Variants in GPR39 observed in about 807,000 individuals in gnomAD.
The protein encoded by GPR39 is G protein-coupled receptor 39, also known as zinc sensing receptor.
Under a neutral mutation model 18.4 loss-of-function variants are expected in GPR39, and 23 were observed. The ratio of observed to expected loss-of-function variants is 1.25; its 90% CI spans 0.90 to 1.77. GPR39 has a LOEUF of 1.77. Among genes scored for constraint, GPR39 ranks in the 40% most tolerant of loss-of-function variants. The pLI is 0.00. For missense variants in GPR39, 647 were observed against 602.4 expected, an observed-to-expected ratio of 1.07 and a Z score of -0.78; for synonymous variants, 280 against 257.9, an observed-to-expected ratio of 1.09 and a Z score of -0.82.
At chr2:132,571,832 A>G (rs1680444664) in intron 1 of GPR39, among the ~76,000 whole-genome samples, 1 of 152,192 alleles carries the variant, frequency 6.6e-6, no homozygotes, top group African/African-American at 2.4e-5. Flanking sequence ...ATTAAGTGCT[A>G]AATTGTGGCA....
At chr2:132,463,555 A>G (rs1397974006) in intron 1 of GPR39, among the ~76,000 whole-genome samples, 3 of 151,970 alleles carry the variant, frequency 2.0e-5, no homozygotes, top group African/African-American at 7.2e-5. Flanking sequence ...GAGTCAGGGA[A>G]ATTAATAGGG....
At chr2:132,585,198 G>A (rs1024896956) in intron 1 of GPR39, among the ~76,000 whole-genome samples, 9 of 152,002 alleles carry the variant, frequency 5.9e-5, no homozygotes, top group African/African-American at 2.2e-4. Flanking sequence ...CCCCTTTACC[G>A]TTCCACTGCT....
chr2:132,556,095 A>G (rs1264720660), intron 1 of GPR39, among the ~76,000 whole-genome samples: 2 of 152,206 alleles, frequency 1.3e-5, no homozygotes, highest in East Asian at 3.9e-4. Flanking sequence ...CCTAATTGAT[A>G]TAGAGACCTA....
chr2:132,444,581 C>A (rs557594674), intron 1 of GPR39, among the ~76,000 whole-genome samples: 85 of 152,318 alleles, frequency 5.6e-4, no homozygotes, highest in African/African-American at 1.9e-3. Context: ...AGCTACCACA[C>A]CGGCTATGAG....
intron 1 of GPR39, among the ~76,000 whole-genome samples, chr2:132,507,053 A>C (rs1457004208): frequency 2.6e-5 from 4 of 152,024 alleles, no homozygotes; most frequent in Admixed American, 6.5e-5. Context: ...TGAATCCACA[A>C]ATGGATTAAT....
intron 1 of GPR39, chr2:132,488,651 A>C (rs935972544): frequency 1.3e-5 from 2 of 152,422 alleles, no homozygotes; most frequent in Admixed American, 1.3e-4. Context: ...CAGGGCTGGT[A>C]CTTGAAGTTG....
At chr2:132,573,611 C>G (rs1680480533) in intron 1 of GPR39, among the ~76,000 whole-genome samples, 1 of 152,144 alleles carries the variant, frequency 6.6e-6, no homozygotes, top group Non-Finnish European at 1.5e-5. Context: ...TAAATTGTTT[C>G]TTGCTTTTCC....
chr2:132,520,760 G>A (rs1459130636), intron 1 of GPR39, among the ~76,000 whole-genome samples: 1 of 152,222 alleles, frequency 6.6e-6, no homozygotes, highest in African/African-American at 2.4e-5. Flanking sequence ...TCTTGATGGT[G>A]ATGAGAGTCA....
chr2:132,438,886 G>C (rs1012990392), intron 1 of GPR39, among the ~76,000 whole-genome samples: 1 of 152,168 alleles, frequency 6.6e-6, no homozygotes, highest in Non-Finnish European at 1.5e-5. Context: ...TTCCATGGCT[G>C]TCGGAATTCC....
intron 1 of GPR39, among the ~76,000 whole-genome samples, chr2:132,510,341 C>T (rs1377250865): frequency 6.6e-6 from 1 of 152,118 alleles, no homozygotes; most frequent in African/African-American, 2.4e-5. Context: ...GCCAGTCTCC[C>T]CAGGCTCGGG....
chr2:132,577,700 G>C (rs904707823), intron 1 of GPR39, among the ~76,000 whole-genome samples: 1 of 152,152 alleles, frequency 6.6e-6, no homozygotes, highest in African/African-American at 2.4e-5. Flanking sequence ...TGATCATGTA[G>C]AAATGCAGTA....
intron 1 of GPR39, among the ~76,000 whole-genome samples, chr2:132,453,322 G>T (rs755021544): frequency 6.6e-6 from 1 of 152,090 alleles, no homozygotes; most frequent in Non-Finnish European, 1.5e-5. Flanking sequence ...AATTTTGTTG[G>T]GGTTGTTTGT....
In GPR39 at chr2:132,492,642, C is replaced by CACACCA. The variant is rs1349902319; in HGVS notation, c.856+74744_856+74745insACACCA. The stretch of plus-strand genomic sequence containing the variant: ...TATATACAATATATATACACACCAT[C>CACACCA]TATATATAATATATATACACACCAT... On this transcript the variant is annotated intron_variant, in intron 1 of 1. Coordinates refer to ENST00000329321, the MANE Select transcript of GPR39 (RefSeq NM_001508.3). Among the ~76,000 whole-genome samples, 629 of 118,798 alleles carry CACACCA rather than the reference C, an allele frequency of 5.3e-3. 121 individuals are homozygous for CACACCA. The highest frequency in any genetic ancestry group is 8.0e-3 in the Non-Finnish European group (454 of 56,682). 77.9% of individuals were successfully genotyped at this position (118,798 alleles called of 152,430 possible). A position where few individuals can be genotyped will look rare whatever the true frequency, so the allele number is the denominator to read the frequency against.
intron 1 of GPR39, among the ~76,000 whole-genome samples, chr2:132,613,116 A>G (rs765123615): frequency 8.5e-5 from 13 of 152,218 alleles, no homozygotes; most frequent in Non-Finnish European, 1.5e-4. Flanking sequence ...CTAAATTCAC[A>G]TTAATTTCAA....
chr2:132,496,615 G>A (rs1173438438), intron 1 of GPR39, among the ~76,000 whole-genome samples: 1 of 152,164 alleles, frequency 6.6e-6, no homozygotes, highest in Non-Finnish European at 1.5e-5. Context: ...AAACCTTTTT[G>A]TTTTCTCTCC....
At chr2:132,549,829 T>C (rs1376871287) in intron 1 of GPR39, among the ~76,000 whole-genome samples, 1 of 152,190 alleles carries the variant, frequency 6.6e-6, no homozygotes, top group East Asian at 1.9e-4. Flanking sequence ...ATACACTCCC[T>C]AAGAATCTCA....
chr2:132,441,709 G>A (rs554587709), intron 1 of GPR39, among the ~76,000 whole-genome samples: 2 of 152,326 alleles, frequency 1.3e-5, no homozygotes, highest in African/African-American at 4.8e-5. Context: ...GAAAGCAATA[G>A]TTTAAACTAA....
intron 1 of GPR39, among the ~76,000 whole-genome samples, chr2:132,623,763 ACCCCTTCT>A (rs1681488851): frequency 6.6e-6 from 1 of 151,912 alleles, no homozygotes; most frequent in Non-Finnish European, 1.5e-5. Context: ...AAATCCTGGA[ACCCCTTCT>A]GCTGTGATTG....
intron 1 of GPR39, among the ~76,000 whole-genome samples, chr2:132,585,577 G>A (rs2104826888): frequency 6.6e-6 from 1 of 152,338 alleles, no homozygotes; most frequent in South Asian, 2.1e-4. Context: ...CCTGGACTTC[G>A]AACCGCCGGC....
Sources: gnomAD v4.1 joint callset for allele counts (sites outside exome capture counted in the v4.1 genomes callset) on GRCh38, gnomAD v4.1.1 for gene constraint, MANE v1.5 for transcripts, NCBI Gene and HGNC (gene_info 2026-07-23, HGNC 2026-07-21) for gene names.